The following PBX1 variants were observed in gnomAD, a reference collection of about 807,000 sequenced individuals.
PBX1 encodes the protein PBX homeobox 1.
A neutral mutation model predicts 53.4 loss-of-function variants in PBX1; 6 were observed. The ratio of observed to expected loss-of-function variants is 0.11; its 90% CI spans 0.06 to 0.22. PBX1 has a LOEUF of 0.22. Ranked by LOEUF, PBX1 falls within the 10% of genes least tolerant of loss-of-function variation. The probability of loss-of-function intolerance (pLI) is 1.00; values close to 1 mark genes in which losing one functional copy is unlikely to be tolerated. For missense variants in PBX1, 251 were observed against 551.4 expected (o/e 0.46, Z 5.46); for synonymous variants, 204 against 212.3 (o/e 0.96, Z 0.34).
intron 2 of PBX1, chr1:164,680,196 T>G (rs1363028888): frequency 6.6e-6 from 1 of 152,200 alleles, no homozygotes; most frequent in East Asian, 1.9e-4. Context: ...TATAGATATT[T>G]CATAAGGAAT....
chr1:164,566,425 G>A (rs1460800498), intron 2 of PBX1, among the ~76,000 whole-genome samples: 3 of 152,158 alleles, frequency 2.0e-5, no homozygotes, highest in South Asian at 2.1e-4. Context: ...AAGACCTATA[G>A]CAATGTATAT....
rs1385446418 is a variant in PBX1, at chr1:164,663,212, GCCTTCCTGCCTTCCTGCCTTCCTT to G, written c.265+99921_265+99944del. The stretch of plus-strand genomic sequence containing the variant: ...TGTCTTCCTTCCTGCCTTCCTTCCT[GCCTTCCTGCCTTCCTGCCTTCCTT>G]CCTTCCTGCCTTCCTGCCTGCCTGC... On this transcript the variant is annotated intron_variant, in intron 2 of 8. Transcript: ENST00000420696. Among the ~76,000 whole-genome samples, 7 of 140,520 alleles carry G rather than the reference GCCTTCCTGCCTTCCTGCCTTCCTT, an allele frequency of 5.0e-5. No homozygotes were observed. The East Asian group carries it at 1.5e-3, about 29-fold the overall frequency. The allele number at this position is 140,520 out of a possible 152,430, so 92.2% of individuals were successfully genotyped here.
At chr1:164,707,551 G>T (rs1663511643) in intron 2 of PBX1, among the ~76,000 whole-genome samples, 1 of 152,032 alleles carries the variant, frequency 6.6e-6, no homozygotes, top group Admixed American at 6.6e-5. Context: ...CATAGTGAGA[G>T]GAAGGAAAGA....
At position 164,797,908 on chromosome 1, in the gene PBX1, A is replaced by G. The variant is rs527260338; in HGVS notation, c.511-1791A>G. Among the ~76,000 whole-genome samples the G allele has an allele frequency of 3.9e-5, 6 of 152,364 alleles. No individual in the cohort carries two copies. The South Asian group carries it at 6.2e-4, about 16-fold the overall frequency. Reference sequence around the variant, plus strand: ...CCACAGCCAAGTGAGTTCCAGAGGCAGGAGCTGAACCCAGACTGTGCTCTC... The same window carrying G: ...CCACAGCCAAGTGAGTTCCAGAGGCGGGAGCTGAACCCAGACTGTGCTCTC... On this transcript the variant is annotated intron_variant, in intron 3 of 8. Coordinates refer to ENST00000420696, the MANE Select transcript of PBX1 (RefSeq NM_002585.4).
intron 2 of PBX1, among the ~76,000 whole-genome samples, chr1:164,735,101 T>C (rs1665194418): frequency 6.6e-6 from 1 of 152,232 alleles, no homozygotes; most frequent in African/African-American, 2.4e-5. Flanking sequence ...TTTTAGCTCA[T>C]CTATAATGCA....
Position 164,691,107 on chromosome 1 carries a change from C to T in PBX1, c.266-101387C>T, listed in dbSNP as rs1422366716. 2.7e-5 allele frequency among the ~76,000 whole-genome samples: 4 copies of T among 149,998 alleles called. No homozygotes were observed. The South Asian group carries it at 6.4e-4, about 24-fold the overall frequency. Reference sequence around the variant, plus strand: ...TCGGCTCACTGCAACCTCTGCTTCCCGGGTTCAAGTGATTCTCCTGCCTCA... The same window carrying T: ...TCGGCTCACTGCAACCTCTGCTTCCTGGGTTCAAGTGATTCTCCTGCCTCA... On this transcript the variant is annotated intron_variant, in intron 2 of 8. Transcript: ENST00000420696.
Position 164,638,939 on chromosome 1 carries a change from A to C in PBX1, c.265+75628A>C, listed in dbSNP as rs188895920. Among the ~76,000 whole-genome samples the C allele has an allele frequency of 4.4e-3, 664 of 152,252 alleles. 2 individuals carry two copies. The highest frequency in any genetic ancestry group is 0.013 in the African/African-American group (558 of 41,538). ...AAAAGGGAGTGTGCAGACTCCCCCTACCCCTCCTGGGATGAGTAGGTACTG... is the reference window on the plus strand; with the variant it reads ...AAAAGGGAGTGTGCAGACTCCCCCTCCCCCTCCTGGGATGAGTAGGTACTG... On this transcript the variant is annotated intron_variant, in intron 2 of 8. Coordinates refer to ENST00000420696, the MANE Select transcript of PBX1 (RefSeq NM_002585.4).
intron 4 of PBX1, among the ~76,000 whole-genome samples, chr1:164,802,870 A>AT (rs80104203): frequency 0.019 from 2,806 of 147,052 alleles, 86 homozygotes; most frequent in African/African-American, 0.062. Flanking sequence ...TATAAATAAC[A>AT]TTTTTTTTTT....
At chr1:164,740,727 C>T (rs963032423) in intron 2 of PBX1, among the ~76,000 whole-genome samples, 8 of 152,100 alleles carry the variant, frequency 5.3e-5, no homozygotes, top group African/African-American at 9.7e-5. Context: ...ACATTATCTT[C>T]GCTCTCAAGG....
chr1:164,847,961 T>A lies in PBX1; in HGVS notation c.*1285T>A. 2 of 1,050,664 alleles carry A rather than the reference T, an allele frequency of 1.9e-6. No individual in the cohort carries two copies. Among genetic ancestry groups the A allele is most frequent in the Non-Finnish European group, 2.3e-6 (2 of 870,052 alleles). The allele number at this position is 1,050,664 out of a possible 1,614,324, so 65.1% of individuals were successfully genotyped here. A position where few individuals can be genotyped will look rare whatever the true frequency, so the allele number is the denominator to read the frequency against. ...CTTACAATGTCTTTAATGGACTTGA[T>A]TCTGTTTAATTTTTTGTTTTATATT... On this transcript the variant is annotated 3_prime_UTR_variant, in exon 9 of 9. Transcript: ENST00000420696.
At chr1:164,882,149 C>A (rs1359891158) in intron 2 of PBX1, among the ~76,000 whole-genome samples, 4 of 151,684 alleles carry the variant, frequency 2.6e-5, no homozygotes, top group African/African-American at 7.3e-5. Flanking sequence ...GTAGGAGACC[C>A]AGAGATATTA....
At chr1:164,858,996 T>C (rs1327994067) in intron 2 of PBX1, among the ~76,000 whole-genome samples, 1 of 152,242 alleles carries the variant, frequency 6.6e-6, no homozygotes, top group Non-Finnish European at 1.5e-5. Context: ...TAAAATCTTC[T>C]AATGCTAGTC....
chr1:164,851,385 C>A lies in PBX1; in HGVS notation c.*4709C>A, dbSNP rs970365954. The A allele has an allele frequency of 1.0e-4, 21 of 204,242 alleles. No individual in the cohort carries two copies. Among genetic ancestry groups the A allele is most frequent in the Non-Finnish European group, 1.9e-4 (19 of 99,764 alleles). The allele number at this position is 204,242 out of a possible 1,614,324, so 12.7% of individuals were successfully genotyped here. A position where few individuals can be genotyped will look rare whatever the true frequency, so the allele number is the denominator to read the frequency against. On this transcript the variant is annotated 3_prime_UTR_variant, in exon 9 of 9. Coordinates refer to ENST00000420696, the MANE Select transcript of PBX1 (RefSeq NM_002585.4). The stretch of plus-strand genomic sequence containing the variant: ...AACACTTGTACTCTTGAAGTCACAA[C>A]AAAATAATGATGAGCTTTTCACATC...
chr1:164,776,935 G>GTA (rs58061173), intron 2 of PBX1, among the ~76,000 whole-genome samples: 7,466 of 97,972 alleles, frequency 0.076, 773 homozygotes, highest in Non-Finnish European at 0.12. Flanking sequence ...GTGTGTGTGT[G>GTA]GTGGGAGGAG....
chr1:164,875,952 A>C (rs1672493962), intron 2 of PBX1, among the ~76,000 whole-genome samples: 1 of 99,730 alleles, frequency 1.0e-5, no homozygotes. Context: ...CAAATGCCAA[A>C]AAAGAAATGT....
At chr1:164,885,133 T>C (rs1211425462) in intron 2 of PBX1, among the ~76,000 whole-genome samples, 1 of 152,196 alleles carries the variant, frequency 6.6e-6, no homozygotes, top group African/African-American at 2.4e-5. Context: ...AGATATTTAA[T>C]AACTTGCCCA....
intron 2 of PBX1, among the ~76,000 whole-genome samples, chr1:164,609,031 G>C (rs1294098619): frequency 1.3e-5 from 2 of 151,904 alleles, no homozygotes; most frequent in South Asian, 2.1e-4. Flanking sequence ...GGGAAAACAG[G>C]GAAAAAGAGG....
chr1:164,688,152 T>C (rs1313126197), intron 2 of PBX1, among the ~76,000 whole-genome samples: 2 of 152,198 alleles, frequency 1.3e-5, no homozygotes, highest in Admixed American at 1.3e-4. Context: ...TCATCGTCAT[T>C]TTCTCAACCT....
At chr1:164,694,321 C>G (rs761679609) in intron 2 of PBX1, among the ~76,000 whole-genome samples, 3 of 152,148 alleles carry the variant, frequency 2.0e-5, no homozygotes, top group Admixed American at 2.0e-4. Flanking sequence ...ACTAAGTATT[C>G]GTATGCCTGC....
Sources: gnomAD v4.1 joint callset for allele counts (sites outside exome capture counted in the v4.1 genomes callset) on GRCh38, gnomAD v4.1.1 for gene constraint, MANE v1.5 for transcripts, NCBI Gene and HGNC (gene_info 2026-07-23, HGNC 2026-07-21) for gene names.